The following FBXL7 variants were observed in gnomAD, a reference collection of about 807,000 sequenced individuals.
The protein encoded by FBXL7 is F-box and leucine rich repeat protein 7.
A neutral mutation model predicts 38.3 loss-of-function variants in FBXL7; 12 were observed. The observed-to-expected ratio is 0.31, with a 90% CI of 0.20 to 0.51. The LOEUF (loss-of-function observed/expected upper bound fraction) is 0.51, where lower values mean the gene tolerates loss of function less well. FBXL7 is among the 20% of genes least tolerant of loss of function. The probability of loss-of-function intolerance (pLI) is 0.98; values close to 1 mark genes in which losing one functional copy is unlikely to be tolerated. For missense variants in FBXL7, 567 were observed against 676.4 expected (o/e 0.84, Z 1.79); for synonymous variants, 297 against 300.9 (o/e 0.99, Z 0.13).
rs866122393 is a variant in FBXL7 at position 15,781,943 on chromosome 5, C to G, written c.128-145947C>G. ...TTTGCTGCACCTATCAACCCGTCAT[C>G]TACATTAGGTATTTCTCGTAATGCT... On this transcript the variant is annotated intron_variant, in intron 2 of 3. Transcript: ENST00000504595. Among the ~76,000 whole-genome samples, 24 of 152,134 alleles carry G rather than the reference C, an allele frequency of 1.6e-4. 1 individual carries two copies. The highest frequency in any genetic ancestry group is 8.8e-5 in the Non-Finnish European group (6 of 68,036).
chr5:15,628,616 G>A (rs989610672), intron 2 of FBXL7, among the ~76,000 whole-genome samples: 5 of 152,110 alleles, frequency 3.3e-5, no homozygotes, highest in African/African-American at 4.8e-5. Flanking sequence ...CCATTAACAC[G>A]TCCATAATAT....
At chr5:15,753,461 T>G (rs1736208396) in intron 2 of FBXL7, among the ~76,000 whole-genome samples, 1 of 152,184 alleles carries the variant, frequency 6.6e-6, no homozygotes, top group Non-Finnish European at 1.5e-5. Context: ...CTCCAAAATA[T>G]GCACACAAGA....
At chr5:15,705,455 G>A (rs996840207) in intron 2 of FBXL7, among the ~76,000 whole-genome samples, 1 of 152,154 alleles carries the variant, frequency 6.6e-6, no homozygotes, top group Admixed American at 6.5e-5. Flanking sequence ...GTGAGTGAAT[G>A]TACTTCAGAA....
chr5:15,672,557 C>CTTTTTTTT (rs35987843), intron 2 of FBXL7, among the ~76,000 whole-genome samples: 1 of 135,152 alleles, frequency 7.4e-6, no homozygotes, highest in African/African-American at 2.7e-5. Context: ...TAATCTTTTT[C>CTTTTTTTT]TTTTTTTTTT....
chr5:15,528,371 T>G (rs1370693507), intron 1 of FBXL7, among the ~76,000 whole-genome samples: 1 of 152,198 alleles, frequency 6.6e-6, no homozygotes, highest in East Asian at 1.9e-4. Flanking sequence ...TCCTCACATC[T>G]TGGTTCTCAC....
chr5:15,676,461 A>G (rs946046613), intron 2 of FBXL7, among the ~76,000 whole-genome samples: 2 of 152,230 alleles, frequency 1.3e-5, no homozygotes, highest in Non-Finnish European at 2.9e-5. Flanking sequence ...ATGCCTTTCA[A>G]AAACATCTGC....
rs556484566 is a variant in FBXL7, at chr5:15,770,173, ACT to A, written c.127+154104_127+154105del. Among the ~76,000 whole-genome samples, 54 of 152,218 alleles carry A rather than the reference ACT, an allele frequency of 3.5e-4. 1 individual carries two copies. In the East Asian group the frequency reaches 0.01, roughly 29 times the overall value. On this transcript the variant is annotated intron_variant, in intron 2 of 3. Transcript: ENST00000504595. ...GTCACCAGGTGCCAGGCTGCAGCTA[ACT>A]CTGTTAGTTGTGTCCTGGTGTCCAC...
chr5:15,529,943 G>A (rs903429685), intron 1 of FBXL7, among the ~76,000 whole-genome samples: 8 of 152,108 alleles, frequency 5.3e-5, no homozygotes, highest in Admixed American at 4.6e-4. Context: ...CATAACTAGG[G>A]GTGGCTTCAC....
chr5:15,760,112 GAAAGTCAC>G (rs1310067572), intron 2 of FBXL7, among the ~76,000 whole-genome samples: 1 of 151,750 alleles, frequency 6.6e-6, no homozygotes, highest in Admixed American at 6.6e-5. Flanking sequence ...TGAATGTCCA[GAAAGTCAC>G]AAAGCAGGTT....
chr5:15,731,279 G>A (rs757830260), intron 2 of FBXL7, among the ~76,000 whole-genome samples: 11 of 152,186 alleles, frequency 7.2e-5, no homozygotes, highest in Admixed American at 6.5e-4. Context: ...ACAGTTCCAC[G>A]TGGCTAGGGA....
intron 1 of FBXL7, among the ~76,000 whole-genome samples, chr5:15,573,646 G>A (rs1181905986): frequency 6.6e-6 from 1 of 152,174 alleles, no homozygotes; most frequent in Non-Finnish European, 1.5e-5. Context: ...TTGTTAAGCA[G>A]TGACTTCTGC....
intron 2 of FBXL7, among the ~76,000 whole-genome samples, chr5:15,619,105 A>G (rs1303822079): frequency 1.3e-5 from 2 of 151,996 alleles, no homozygotes; most frequent in Non-Finnish European, 2.9e-5. Flanking sequence ...AGCCCTCTTT[A>G]CCCTTAGGAA....
intron 2 of FBXL7, among the ~76,000 whole-genome samples, chr5:15,854,951 T>C (rs2126799181): frequency 6.6e-6 from 1 of 152,270 alleles, no homozygotes; most frequent in East Asian, 1.9e-4. Flanking sequence ...TTTGAATTGT[T>C]TACAATAAAA....
chr5:15,726,427 C>T (rs183430325), intron 2 of FBXL7, among the ~76,000 whole-genome samples: 4 of 151,948 alleles, frequency 2.6e-5, no homozygotes, highest in African/African-American at 9.7e-5. Flanking sequence ...AGACATCGCC[C>T]CTTAAAAAAA....
chr5:15,734,708 T>C (rs537819423), intron 2 of FBXL7, among the ~76,000 whole-genome samples: 1 of 152,232 alleles, frequency 6.6e-6, no homozygotes, highest in South Asian at 2.1e-4. Flanking sequence ...GAAGGACTTA[T>C]GATACATATG....
intron 1 of FBXL7, among the ~76,000 whole-genome samples, chr5:15,562,737 T>A (rs1738449765): frequency 6.6e-6 from 1 of 152,054 alleles, no homozygotes; most frequent in African/African-American, 2.4e-5. Context: ...CCTCCTTCCC[T>A]CTTTCTTTCA....
At chr5:15,809,712 G>A (rs544417701) in intron 2 of FBXL7, among the ~76,000 whole-genome samples, 1 of 152,042 alleles carries the variant, frequency 6.6e-6, no homozygotes, top group Non-Finnish European at 1.5e-5. Context: ...CAGCAAAAGA[G>A]GGAGTAAGAT....
At chr5:15,620,051 G>A (rs940804958) in intron 2 of FBXL7, among the ~76,000 whole-genome samples, 1 of 152,156 alleles carries the variant, frequency 6.6e-6, no homozygotes. Flanking sequence ...AAATGGACAG[G>A]AAGAATGTTA....
chr5:15,607,602 A>G (rs1292887545), intron 1 of FBXL7, among the ~76,000 whole-genome samples: 2 of 152,182 alleles, frequency 1.3e-5, no homozygotes, highest in South Asian at 2.1e-4. Context: ...TTAAATGAAC[A>G]TTATCTTCAA....
Sources: gnomAD v4.1 joint callset for allele counts (sites outside exome capture counted in the v4.1 genomes callset) on GRCh38, gnomAD v4.1.1 for gene constraint, MANE v1.5 for transcripts, NCBI Gene and HGNC (gene_info 2026-07-23, HGNC 2026-07-21) for gene names.